The following ANKS1B variants were observed in gnomAD, a reference collection of about 807,000 sequenced individuals.
The protein encoded by ANKS1B is ankyrin repeat and sterile alpha motif domain-containing protein 1B.
Under a neutral mutation model 148.3 loss-of-function variants are expected in ANKS1B, and 36 were observed. That is an observed-to-expected ratio of 0.24 (90% CI 0.19 to 0.32). ANKS1B has a LOEUF of 0.32. Ranked by LOEUF, ANKS1B falls within the 10% of genes least tolerant of loss-of-function variation. The pLI is 1.00. For synonymous variants in ANKS1B, 542 were observed against 560.8 expected, an observed-to-expected ratio of 0.97 and a Z score of 0.47; for missense variants, 1,157 against 1,542.6, an observed-to-expected ratio of 0.75 and a Z score of 4.19.
chr12:99,660,597 A>G (rs1017534710), intron 8 of ANKS1B, among the ~76,000 whole-genome samples: 3 of 152,036 alleles, frequency 2.0e-5, no homozygotes, highest in African/African-American at 4.8e-5. Flanking sequence ...TCCTGACTTC[A>G]GGTGATCCAC....
chr12:99,660,833 A>G (rs2098473982), intron 8 of ANKS1B, among the ~76,000 whole-genome samples: 1 of 152,126 alleles, frequency 6.6e-6, no homozygotes, highest in African/African-American at 2.4e-5. Flanking sequence ...AAGGCTATGC[A>G]TGATCTGCCC....
chr12:99,131,051 T>C (rs2153749659), intron 15 of ANKS1B, among the ~76,000 whole-genome samples: 1 of 152,330 alleles, frequency 6.6e-6, no homozygotes, highest in South Asian at 2.1e-4. Context: ...TATATTGCCT[T>C]GTAATGATTT....
chr12:99,244,090 TAA>T (rs10539895), intron 14 of ANKS1B, among the ~76,000 whole-genome samples: 69,484 of 148,282 alleles, frequency 0.47, 18,262 homozygotes, highest in African/African-American at 0.74. Flanking sequence ...TAAAAAATTC[TAA>T]AAAAAAAAAA....
intron 10 of ANKS1B, among the ~76,000 whole-genome samples, chr12:99,482,194 T>C (rs963592385): frequency 6.6e-6 from 1 of 151,984 alleles, no homozygotes; most frequent in Non-Finnish European, 1.5e-5. Flanking sequence ...CCATCTTGAG[T>C]TGATTTTTAT....
intron 12 of ANKS1B, among the ~76,000 whole-genome samples, chr12:99,280,943 A>ACT (rs1213614853): frequency 1.3e-5 from 2 of 151,258 alleles, no homozygotes; most frequent in East Asian, 1.9e-4. Context: ...ACACACACAC[A>ACT]CACTCTCTCT....
At chr12:98,776,115 T>C (rs61577963) in intron 24 of ANKS1B, among the ~76,000 whole-genome samples, 5,987 of 152,284 alleles carry the variant, frequency 0.039, 171 homozygotes, top group East Asian at 0.13. Flanking sequence ...TCACTCTGCA[T>C]TGTCTACCTG....
rs369959868 is a variant in ANKS1B at position 99,050,006 on chromosome 12, T to G, written c.2778+3151A>C. 2.0e-5 allele frequency among the ~76,000 whole-genome samples: 3 copies of G among 152,290 alleles called. No individual in the cohort carries two copies. The East Asian group carries it at 5.8e-4, about 29-fold the overall frequency. On this transcript the variant is annotated intron_variant, in intron 17 of 26. Coordinates refer to ENST00000683438, the MANE Select transcript of ANKS1B (RefSeq NM_001352186.2). The stretch of plus-strand genomic sequence containing the variant: ...TGGAGCAATCTGGTTCCCTTAAAAC[T>G]AGCGACTCATTACAATGGTTCAGGA...
chr12:99,449,764 G>C (rs955278448), intron 10 of ANKS1B, among the ~76,000 whole-genome samples: 1 of 152,132 alleles, frequency 6.6e-6, no homozygotes, highest in African/African-American at 2.4e-5. Context: ...TGATATTTGA[G>C]AGCAGTATCT....
chr12:99,171,160 G>A (rs986121085), intron 14 of ANKS1B, among the ~76,000 whole-genome samples: 3 of 152,082 alleles, frequency 2.0e-5, no homozygotes, highest in Non-Finnish European at 2.9e-5. Flanking sequence ...GAAAGATCTC[G>A]ACTAACAAAT....
chr12:99,642,458 T>C (rs887717100), intron 9 of ANKS1B, among the ~76,000 whole-genome samples: 3 of 152,154 alleles, frequency 2.0e-5, no homozygotes, highest in Admixed American at 1.3e-4. Context: ...GGATCAAAAG[T>C]TTAAAAGACA....
intron 1 of ANKS1B, among the ~76,000 whole-genome samples, chr12:99,915,149 C>T (rs1281435017): frequency 2.7e-5 from 4 of 148,576 alleles, no homozygotes; most frequent in African/African-American, 7.5e-5. Context: ...CACTTGAACT[C>T]GCGAGGCGGA....
intron 25 of ANKS1B, among the ~76,000 whole-genome samples, chr12:98,755,360 G>A (rs2098211130): frequency 6.6e-6 from 1 of 152,176 alleles, no homozygotes; most frequent in Non-Finnish European, 1.5e-5. Flanking sequence ...GATGCTGGCT[G>A]GCTCTGAAGA....
Position 99,495,288 on chromosome 12 carries a change from A to G in ANKS1B, c.1438+9188T>C, listed in dbSNP as rs574619452. Reference sequence around the variant, plus strand: ...GTATTTTTAGAAATCTTACTAGTCTACAATTCATGTTATTCACACACAGTG... The same window carrying G: ...GTATTTTTAGAAATCTTACTAGTCTGCAATTCATGTTATTCACACACAGTG... On this transcript the variant is annotated intron_variant, in intron 10 of 26. Transcript: ENST00000683438. Among the ~76,000 whole-genome samples, 13 of 152,120 alleles carry G rather than the reference A, an allele frequency of 8.5e-5. No homozygotes were observed. The South Asian group carries it at 2.7e-3, about 32-fold the overall frequency.
At chr12:99,621,133 A>T (rs1460839764) in intron 9 of ANKS1B, among the ~76,000 whole-genome samples, 1 of 152,170 alleles carries the variant, frequency 6.6e-6, no homozygotes, top group Non-Finnish European at 1.5e-5. Context: ...CAAGAATTTA[A>T]TATCCTGCCA....
intron 1 of ANKS1B, among the ~76,000 whole-genome samples, chr12:99,901,373 T>C (rs993399965): frequency 6.6e-6 from 1 of 152,196 alleles, no homozygotes; most frequent in Non-Finnish European, 1.5e-5. Flanking sequence ...ACGCCAGCTG[T>C]CCCCACAATT....
rs1181010073 is a variant in ANKS1B at position 99,098,353 on chromosome 12, C to T, written c.2527-13330G>A. On this transcript the variant is annotated intron_variant, in intron 15 of 26. Transcript: ENST00000683438. ...TCTTTCTCTGCCAGCCCAGTCGTCT[C>T]CATGAACCTCCTTTCCTACAATTTC... Among the ~76,000 whole-genome samples, 6 of 152,126 alleles carry T rather than the reference C, an allele frequency of 3.9e-5. 1 individual carries two copies. The highest frequency in any genetic ancestry group is 8.8e-5 in the Non-Finnish European group (6 of 68,028).
intron 12 of ANKS1B, among the ~76,000 whole-genome samples, chr12:99,322,725 T>C (rs866652253): frequency 3.3e-5 from 5 of 152,188 alleles, no homozygotes; most frequent in South Asian, 2.1e-4. Flanking sequence ...TTCAGTGATA[T>C]GGTTTGGCTG....
At chr12:99,323,616 T>G (rs772688612) in intron 12 of ANKS1B, among the ~76,000 whole-genome samples, 41 of 152,238 alleles carry the variant, frequency 2.7e-4, no homozygotes, top group Non-Finnish European at 5.3e-4. Flanking sequence ...TCACTTGCCT[T>G]ATTTGTCACA....
chr12:99,823,989 T>C (rs1015475816), intron 2 of ANKS1B, among the ~76,000 whole-genome samples: 4 of 152,220 alleles, frequency 2.6e-5, no homozygotes, highest in Non-Finnish European at 4.4e-5. Context: ...TAGTTAATAC[T>C]GTAGCCTTAT....
Sources: allele counts gnomAD v4.1 joint callset (sites outside exome capture counted in the v4.1 genomes callset), GRCh38; gene constraint gnomAD v4.1.1; transcripts MANE v1.5; gene names NCBI Gene and HGNC (gene_info 2026-07-23, HGNC 2026-07-21).